KIFAP3: variants seen among roughly 807,000 people sequenced by gnomAD.
KIFAP3 encodes kinesin associated protein 3.
A neutral mutation model predicts 106.5 loss-of-function variants in KIFAP3; 68 were observed. That is an observed-to-expected ratio of 0.64 (90% CI 0.53 to 0.78). KIFAP3 has a LOEUF of 0.78. Among genes scored for constraint, KIFAP3 ranks in the 30% least tolerant of loss-of-function variants. The pLI is 0.00. For missense variants in KIFAP3, 780 were observed against 941.8 expected, an observed-to-expected ratio of 0.83 and a Z score of 2.25; for synonymous variants, 320 against 311.5, an observed-to-expected ratio of 1.03 and a Z score of -0.29.
chr1:170,058,695 T>G (rs991047005), intron 1 of KIFAP3, among the ~76,000 whole-genome samples: 1 of 152,098 alleles, frequency 6.6e-6, no homozygotes, highest in East Asian at 1.9e-4. Context: ...ACATTTTTTT[T>G]TAAACTGGGA....
chr1:170,027,850 G>C (rs1012049247), intron 8 of KIFAP3, among the ~76,000 whole-genome samples: 3 of 151,712 alleles, frequency 2.0e-5, no homozygotes, highest in African/African-American at 7.3e-5. Context: ...TTACACCAAG[G>C]CCCGGTATAA....
chr1:170,041,639 G>C (rs572684615), intron 3 of KIFAP3: 11 of 1,501,506 alleles, frequency 7.3e-6, no homozygotes, highest in Admixed American at 2.0e-5. Context: ...GCCAGGGGCT[G>C]TCTCTGGTGC....
chr1:169,993,939 CTTCCT>C (rs1667245965), intron 10 of KIFAP3, among the ~76,000 whole-genome samples: 1 of 152,168 alleles, frequency 6.6e-6, no homozygotes, highest in East Asian at 1.9e-4. Context: ...TTACTTTGAA[CTTCCT>C]TACCATTTGA....
At position 169,921,766 on chromosome 1, in the gene KIFAP3, G is replaced by A; in HGVS notation, c.2289C>T (p.Gly763=). The change falls in exon 20 of 20, where the codon GGC becomes GGT. Residue 763 remains glycine, a synonymous_variant. Coordinates refer to ENST00000361580, the MANE Select transcript of KIFAP3 (RefSeq NM_014970.4). ...HSFPGSLGMD[G]FGQPVGILGR... is the part of the protein sequence containing the mutation. Reference sequence around the variant, plus strand: ...CAAGAATGCCAACTGGTTGGCCAAAGCCATCCATTCCAAGGCTAAAAAAGA... The same window carrying A: ...CAAGAATGCCAACTGGTTGGCCAAAACCATCCATTCCAAGGCTAAAAAAGA... 6.2e-7 allele frequency: 1 copy of A among 1,613,550 alleles called. No homozygotes were observed. The highest frequency in any genetic ancestry group is 8.5e-7 in the Non-Finnish European group (1 of 1,179,594).
intron 9 of KIFAP3, among the ~76,000 whole-genome samples, chr1:170,018,498 T>G (rs1412714034): frequency 6.6e-6 from 1 of 151,200 alleles, no homozygotes; most frequent in Non-Finnish European, 1.5e-5. Context: ...TACAAAGCAA[T>G]GGCAAAAAAA....
At chr1:169,924,414 C>T (rs191421239) in intron 19 of KIFAP3, among the ~76,000 whole-genome samples, 1 of 152,216 alleles carries the variant, frequency 6.6e-6, no homozygotes, top group East Asian at 1.9e-4. Context: ...AATTTGAAAC[C>T]AAACTCTAAA....
At chr1:170,041,080 C>T (rs910984637) in intron 3 of KIFAP3, among the ~76,000 whole-genome samples, 1 of 152,110 alleles carries the variant, frequency 6.6e-6, no homozygotes, top group African/African-American at 2.4e-5. Flanking sequence ...GCCTCGGCCT[C>T]CCAAAGTGCT....
chr1:169,957,173 C>T (rs144272403), intron 18 of KIFAP3, among the ~76,000 whole-genome samples: 1 of 152,120 alleles, frequency 6.6e-6, no homozygotes, highest in African/African-American at 2.4e-5. Flanking sequence ...CCAAATAAAT[C>T]TAGGAGTGTC....
At chr1:170,077,037 G>T (rs1671932051), upstream of KIFAP3, among the ~76,000 whole-genome samples, 1 of 152,068 alleles carries the variant, frequency 6.6e-6, no homozygotes, top group Non-Finnish European at 1.5e-5. Context: ...CTAGCTAAAG[G>T]ATTGTAAATG....
At chr1:170,012,843 A>G (rs1668309077) in intron 10 of KIFAP3, among the ~76,000 whole-genome samples, 1 of 152,162 alleles carries the variant, frequency 6.6e-6, no homozygotes, top group African/African-American at 2.4e-5. Context: ...GCAGACAAGA[A>G]GAGCTTGTGT....
At chr1:170,062,464 G>T (rs1671230096) in intron 1 of KIFAP3, among the ~76,000 whole-genome samples, 1 of 151,926 alleles carries the variant, frequency 6.6e-6, no homozygotes, top group African/African-American at 2.4e-5. Flanking sequence ...ACTCACATGT[G>T]AACCCATTCC....
At chr1:170,053,203 G>C (rs1191759870) in intron 2 of KIFAP3, among the ~76,000 whole-genome samples, 2 of 152,116 alleles carry the variant, frequency 1.3e-5, no homozygotes, top group Non-Finnish European at 2.9e-5. Context: ...ACCAACAACA[G>C]ATAAGCAGAG....
chr1:170,014,746 T>G (rs939373020), intron 10 of KIFAP3, among the ~76,000 whole-genome samples: 2 of 152,186 alleles, frequency 1.3e-5, no homozygotes, highest in Admixed American at 1.3e-4. Flanking sequence ...GAGAAACGTA[T>G]TTGTACTCAG....
chr1:170,078,665 A>T (rs2102192114), upstream of KIFAP3, among the ~76,000 whole-genome samples: 1 of 152,288 alleles, frequency 6.6e-6, no homozygotes, highest in South Asian at 2.1e-4. Flanking sequence ...TTGAATACCT[A>T]ATGACAATAT....
At chr1:169,995,932 T>C (rs1667349186) in intron 10 of KIFAP3, among the ~76,000 whole-genome samples, 1 of 152,116 alleles carries the variant, frequency 6.6e-6, no homozygotes, top group Non-Finnish European at 1.5e-5. Context: ...TGTGTGTGTG[T>C]AGCTTCCAAA....
chr1:169,928,213 C>G (rs1283290887), intron 19 of KIFAP3, among the ~76,000 whole-genome samples: 1 of 151,852 alleles, frequency 6.6e-6, no homozygotes. Flanking sequence ...AATTCTCCTG[C>G]CTCAGCCTCC....
At chr1:169,974,070 CAT>C (rs1238928302) in intron 16 of KIFAP3, among the ~76,000 whole-genome samples, 1 of 151,666 alleles carries the variant, frequency 6.6e-6, no homozygotes. Flanking sequence ...CAAATAGAAA[CAT>C]ATACTCCTTT....
chr1:169,955,845 T>C (rs1421847915), intron 18 of KIFAP3, among the ~76,000 whole-genome samples: 2 of 152,078 alleles, frequency 1.3e-5, no homozygotes, highest in African/African-American at 4.8e-5. Context: ...TTAAAGTTTC[T>C]ATAAATCAAA....
chr1:169,950,445 G>C (rs1664668930), intron 19 of KIFAP3, among the ~76,000 whole-genome samples: 1 of 152,028 alleles, frequency 6.6e-6, no homozygotes, highest in African/African-American at 2.4e-5. Flanking sequence ...AAAGACATAT[G>C]AAGAAGAAGC....
Sources: gnomAD v4.1 joint callset for allele counts (sites outside exome capture counted in the v4.1 genomes callset) on GRCh38, gnomAD v4.1.1 for gene constraint, MANE v1.5 for transcripts, NCBI Gene and HGNC (gene_info 2026-07-23, HGNC 2026-07-21) for gene names.